Variants in PLXNA3 observed in about 807,000 individuals in gnomAD.
PLXNA3 encodes plexin-A3.
PLXNA3 carries 52 observed loss-of-function variants against 118.8 expected under a neutral mutation model. That is an observed-to-expected ratio of 0.44 (90% confidence interval 0.35 to 0.55). The LOEUF (loss-of-function observed/expected upper bound fraction) is 0.55. PLXNA3 is among the 20% of genes least tolerant of loss of function. The pLI is 0.01. For missense variants in PLXNA3, 1,660 were observed against 1,730.8 expected (o/e 0.96, Z 0.73); for synonymous variants, 925 against 762.4 (o/e 1.21, Z -3.51).
chrX:154,470,299 A>G lies in PLXNA3; in HGVS notation c.4986+132A>G, dbSNP rs2069165138. On this transcript the variant is annotated intron_variant, in intron 29 of 32. Transcript: ENST00000369682. Reference sequence around the variant, plus strand: ...TTGCTGTGGGAACTCTGAGCCTTAGATAAAGGCCATGTCTGTCTGAGAGAC... The same window carrying G: ...TTGCTGTGGGAACTCTGAGCCTTAGGTAAAGGCCATGTCTGTCTGAGAGAC... 107 of 914,574 alleles carry G rather than the reference A, an allele frequency of 1.2e-4. 1 individual carries two copies. The South Asian group carries it at 2.5e-3, about 21-fold the overall frequency. The allele number at this position is 914,574 out of a possible 1,213,427, so 75.4% of individuals were successfully genotyped here.
Position 154,467,384 on chromosome X carries a change from C to T in PLXNA3, c.3354C>T (p.Ser1118=), listed in dbSNP as rs1420588193. The T allele has an allele frequency of 8.3e-7, 1 of 1,201,975 alleles. No homozygotes were observed. Among genetic ancestry groups the T allele is most frequent in the Non-Finnish European group, 1.1e-6 (1 of 894,987 alleles). ...VQTARSLNRS[S]FTYYPDPSFE... ...CGGCCCGCTCCCTCAACCGCTCCTC[C>T]TTTACCTACTACCCTGATCCCAGCT... Residue 1118 remains serine, a synonymous_variant, in exon 19 of 33, where the codon TCC becomes TCT. Transcript: ENST00000369682.
intron 3 of PLXNA3, 41 bp from the exon 4 acceptor site, chrX:154,462,086 TG>T: frequency 9.0e-7 from 1 of 1,106,688 alleles, no homozygotes; most frequent in Non-Finnish European, 1.2e-6. Context: ...ATCTTGCGCC[TG>T]GGAGCTTTGA....
Position 154,465,230 on chromosome X carries a change from C to T in PLXNA3, c.2244+12C>T. On this transcript the variant is annotated intron_variant, in intron 11 of 32. Transcript: ENST00000369682. ...GCCAGAACGCCTCGGTGAGGTCCCA[C>T]CCGCTGCCTCCCTTCGGGGTCTGGG... The T allele has an allele frequency of 1.7e-6, 2 of 1,189,956 alleles. No individual in the cohort carries two copies. The highest frequency in any genetic ancestry group is 1.1e-6 in the Non-Finnish European group (1 of 880,103).
Position 154,467,683 on chromosome X carries a change from G to C in PLXNA3, c.3580G>C (p.Val1194Leu). Residue 1194 changes from valine to leucine, a missense_variant, in exon 20 of 33, where the codon GTC (valine) becomes CTC (leucine). Physicochemically the swap from Val to Leu is conservative, Grantham distance 32. Coordinates refer to ENST00000369682, the MANE Select transcript of PLXNA3 (RefSeq NM_017514.5). ...ACCCAGCCAGACTGGCCGGCAGCCT[G>C]TCATGGTAGGTGGGGATGGGGAGAC... is the stretch of plus-strand genomic sequence containing the variant. ...DSPSQTGRQP[V>L]MVLVGGLEFW... The C allele has an allele frequency of 8.3e-7, 1 of 1,209,144 alleles. No homozygotes were observed.
chrX:154,465,223 G>T lies in PLXNA3; in HGVS notation c.2244+5G>T, dbSNP rs1557206542. 8.3e-7 allele frequency: 1 copy of T among 1,199,036 alleles called. No individual in the cohort carries two copies. The highest frequency in any genetic ancestry group is 1.1e-6 in the Non-Finnish European group (1 of 887,378). On this transcript the variant is annotated splice_donor_5th_base_variant and intron_variant, in intron 11 of 32. Transcript: ENST00000369682. ...GTGCAGTGCCAGAACGCCTCGGTGA[G>T]GTCCCACCCGCTGCCTCCCTTCGGG...
chrX:154,471,047 A>C, intron 30 of PLXNA3, 58 bp from the exon 31 acceptor site: 20 of 999,965 alleles, frequency 2.0e-5, no homozygotes, highest in Non-Finnish European at 2.5e-5. Flanking sequence ...TGCACATGGG[A>C]GGGGCCCCTT....
At chrX:154,463,558 G>C (rs1557205609) in intron 5 of PLXNA3, 32 bp from the exon 6 acceptor site, 4 of 1,162,408 alleles carry the variant, frequency 3.4e-6, no homozygotes, top group East Asian at 3.1e-5. Context: ...GTGGGGCGGG[G>C]GTGGGCTGGG....
At position 154,466,288 on chromosome X, in the gene PLXNA3, C is replaced by G; in HGVS notation, c.2799+18C>G. On this transcript the variant is annotated intron_variant, in intron 15 of 32. Transcript: ENST00000369682. Reference sequence around the variant, plus strand: ...GCTTTGTGGTGCGTGGCTGCCGGCCCTACCCCTTCCTGTCCCTTCTCTCTC... The same window carrying G: ...GCTTTGTGGTGCGTGGCTGCCGGCCGTACCCCTTCCTGTCCCTTCTCTCTC... The G allele has an allele frequency of 8.3e-7, 1 of 1,209,982 alleles. No homozygotes were observed. Among genetic ancestry groups the G allele is most frequent in the Non-Finnish European group, 1.1e-6 (1 of 895,341 alleles).
intron 3 of PLXNA3, 109 bp from the exon 4 acceptor site, chrX:154,462,019 G>A: frequency 1.5e-6 from 1 of 648,357 alleles, no homozygotes; most frequent in Non-Finnish European, 2.4e-6. Flanking sequence ...GTCCTGGCTG[G>A]AGGGGACCGG....
chrX:154,465,463 G>T lies in PLXNA3; in HGVS notation c.2284G>T (p.Asp762Tyr). The change falls in exon 12 of 33, where the codon GAC becomes TAC. Residue 762 changes from aspartate to tyrosine, a missense_variant. Around this residue, in one of 2 missense-constraint regions of PLXNA3, gnomAD observed 869 missense variants for 1,078.7 expected, o/e 0.81. Transcript: ENST00000369682. ...TGATGAGCATGGTGACACCGAGCTG[G>T]ACTTTTCCGTGGTCTGGGATGGAGA... ...EGDEHGDTEL[D>Y]FSVVWDGDFP... The T allele has an allele frequency of 8.3e-7, 1 of 1,209,737 alleles. No individual in the cohort carries two copies. The highest frequency in any genetic ancestry group is 1.1e-6 in the Non-Finnish European group (1 of 893,691).
At chrX:154,464,360 C>G (rs1557206172) in intron 8 of PLXNA3, 42 bp from the exon 9 acceptor site, 2 of 1,200,774 alleles carry the variant, frequency 1.7e-6, no homozygotes, top group South Asian at 1.8e-5. Context: ...GGGGCCTCTC[C>G]CTACCCCCAG....
chrX:154,461,469 C>T lies in PLXNA3; in HGVS notation c.965C>T (p.Ser322Phe). 8.3e-7 allele frequency: 1 copy of T among 1,212,017 alleles called. No individual in the cohort carries two copies. The highest frequency in any genetic ancestry group is 1.7e-5 in the African/African-American group (1 of 58,015). Residue 322 changes from serine to phenylalanine, a missense_variant, in exon 3 of 33, where the codon TCT becomes TTT. Transcript: ENST00000369682. ...ADEDVLFTIF[S>F]QGQKNRASPP... is the part of the protein sequence containing the mutation. ...GAGGACGTCCTCTTCACCATCTTCTCTCAGGGCCAGAAGAACCGGGCCAGC... is the reference window on the plus strand; with the variant it reads ...GAGGACGTCCTCTTCACCATCTTCTTTCAGGGCCAGAAGAACCGGGCCAGC...
In PLXNA3 at chrX:154,466,156, G is replaced by A. The variant is rs1171834895; in HGVS notation, c.2685G>A (p.Val895=). The A allele has an allele frequency of 7.4e-6, 9 of 1,209,508 alleles. No individual in the cohort carries two copies. Among genetic ancestry groups the A allele is most frequent in the South Asian group, 1.8e-5 (1 of 56,881 alleles). ...PAEYISAERI[V]CEMEESLVPS... ...GACGCTCTCTGAGCCCTAGGATCGT[G>A]TGTGAGATGGAGGAGTCGCTGGTGC... The change falls in exon 15 of 33, where the codon GTG becomes GTA. Residue 895 remains valine, a synonymous_variant. Transcript: ENST00000369682.
At chrX:154,466,548 C>T (rs782730701) in intron 16 of PLXNA3, 36 bp downstream of exon 16, 2 of 1,193,435 alleles carry the variant, frequency 1.7e-6, no homozygotes, top group East Asian at 3.0e-5. Context: ...GGTTGGGCAT[C>T]GTGTGGGGGG....
Position 154,468,646 on chromosome X carries a change from C to T in PLXNA3, c.4221-17C>T, listed in dbSNP as rs2069134515. The T allele has an allele frequency of 1.7e-6, 2 of 1,209,900 alleles. No homozygotes were observed. The highest frequency in any genetic ancestry group is 3.5e-5 in the African/African-American group (2 of 57,492). ...GCCCCACCCCTGCCAGGCCCGAGCC[C>T]CCTTCTCTTGCCCTAGGACAGAGTC... On this transcript the variant is annotated splice_polypyrimidine_tract_variant and intron_variant, in intron 23 of 32. Coordinates refer to ENST00000369682, the MANE Select transcript of PLXNA3 (RefSeq NM_017514.5).
intron 1 of PLXNA3, among the ~76,000 whole-genome samples, chrX:154,458,912 C>G (rs782283623): frequency 8.9e-6 from 1 of 111,946 alleles, no homozygotes; most frequent in African/African-American, 3.2e-5. Flanking sequence ...TGTCCCCAGC[C>G]TGTTCCTAGG....
rs57535644 is a variant in PLXNA3, at chrX:154,460,393, C to G, written c.210C>G (p.Pro70=). 8.3e-7 allele frequency: 1 copy of G among 1,206,074 alleles called. No homozygotes were observed. The highest frequency in any genetic ancestry group is 3.0e-5 in the East Asian group (1 of 33,710). Residue 70 remains proline, a synonymous_variant, in exon 2 of 33, where the codon CCC becomes CCG. Coordinates refer to ENST00000369682, the MANE Select transcript of PLXNA3 (RefSeq NM_017514.5). ...LTELRAHVTG[P]VEDNARCYPP... is the part of the protein sequence containing the mutation. Reference sequence around the variant, plus strand: ...AGCTGCGGGCCCATGTCACGGGGCCCGTCGAGGACAACGCTCGCTGCTACC... The same window carrying G: ...AGCTGCGGGCCCATGTCACGGGGCCGGTCGAGGACAACGCTCGCTGCTACC...
intron 31 of PLXNA3, 44 bp from the exon 32 acceptor site, chrX:154,471,444 G>A: frequency 8.5e-7 from 1 of 1,180,476 alleles, no homozygotes; most frequent in Non-Finnish European, 1.1e-6. Context: ...AGGGGTTCTA[G>A]TTTTTGTGAT....
Position 154,462,260 on chromosome X carries a change from C to T in PLXNA3, c.1267C>T (p.Arg423Cys), listed in dbSNP as rs1253053338. ...GMASVAAYTY[R>C]QHSVVFIGTR... ...GGCCAGCGTGGCCGCCTACACCTAC[C>T]GCCAGCACTCTGTGGTCTTCATTGG... Residue 423 changes from arginine (R) to cysteine (C), a missense_variant, in exon 4 of 33, where the codon CGC (arginine) becomes TGC (cysteine). Transcript: ENST00000369682. The T allele has an allele frequency of 5.9e-6, 7 of 1,183,902 alleles. No homozygotes were observed. The highest frequency in any genetic ancestry group is 3.1e-5 in the East Asian group (1 of 32,628).
Sources: allele counts gnomAD v4.1 joint callset (sites outside exome capture counted in the v4.1 genomes callset), GRCh38; gene constraint gnomAD v4.1.1; regional missense constraint gnomAD v4.1.1; transcripts MANE v1.5; gene names NCBI Gene and HGNC (gene_info 2026-07-23, HGNC 2026-07-21).